Variants in PRDM1 observed in about 807,000 individuals in gnomAD.
The protein encoded by PRDM1 is PR/SET domain 1.
Under a neutral mutation model 62.8 loss-of-function variants are expected in PRDM1, and 13 were observed. That is an observed-to-expected ratio of 0.21 (90% CI 0.13 to 0.33). The LOEUF (loss-of-function observed/expected upper bound fraction) is 0.33, where lower values mean the gene tolerates loss of function less well. PRDM1 is among the 10% of genes least tolerant of loss of function. PRDM1 has a pLI of 1.00. For missense variants in PRDM1, 895 were observed against 1,058.8 expected, an observed-to-expected ratio of 0.85 and a Z score of 2.15; for synonymous variants, 396 against 417.6, an observed-to-expected ratio of 0.95 and a Z score of 0.63.
At chr6:106,082,337 T>C (rs1202835247), upstream of PRDM1, among the ~76,000 whole-genome samples, 1 of 152,130 alleles carries the variant, frequency 6.6e-6, no homozygotes, top group Non-Finnish European at 1.5e-5. Context: ...ATGATAAAAA[T>C]ATAATTAGAA....
intron 1 of PRDM1, among the ~76,000 whole-genome samples, chr6:105,998,646 C>T (rs1366967620): frequency 6.6e-6 from 1 of 152,044 alleles, no homozygotes; most frequent in Non-Finnish European, 1.5e-5. Context: ...TTTCTTCAGT[C>T]AGACTTCGGG....
At chr6:106,044,720 A>G (rs2114578161), upstream of PRDM1, among the ~76,000 whole-genome samples, 1 of 152,340 alleles carries the variant, frequency 6.6e-6, no homozygotes, top group African/African-American at 2.4e-5. Flanking sequence ...TAAGCATGGT[A>G]GTTATCAAAG....
chr6:105,994,959 C>G lies in PRDM1; in HGVS notation c.-67+1320C>G, dbSNP rs113219480. 1.7e-3 allele frequency among the ~76,000 whole-genome samples: 252 copies of G among 152,324 alleles called. 3 individuals are homozygous for G. Among genetic ancestry groups the G allele is most frequent in the African/African-American group, 5.5e-3 (230 of 41,586 alleles). ...GTTTTTTGGCGGAGACAGAGGAAAGCCTCTGGTCGAGAGGATTAGAGCGCG... is the reference window on the plus strand; with the variant it reads ...GTTTTTTGGCGGAGACAGAGGAAAGGCTCTGGTCGAGAGGATTAGAGCGCG... On this transcript the variant is annotated intron_variant, in intron 1 of 6. Coordinates refer to the PRDM1 transcript ENST00000652320. The surrounding 1 kb of genome is among the most constrained non-coding windows in gnomAD (Gnocchi z 4.1).
Position 106,088,233 on chromosome 6 carries a change from G to C in PRDM1, c.75G>C (p.Arg25Ser), listed in dbSNP as rs371233477. The C allele has an allele frequency of 1.3e-5, 21 of 1,613,642 alleles. No individual in the cohort carries two copies. In the African/African-American group the frequency reaches 2.5e-4, roughly 19 times the overall value. The stretch of plus-strand genomic sequence containing the variant: ...CCAAGTGTAACTCCAGCACTGTGAG[G>C]TTTCAGGGATTGGCAGAGGGGACCA... ...AAPKCNSSTV[R>S]FQGLAEGTKG... Residue 25 changes from arginine to serine, a missense_variant, in exon 2 of 7, where the codon AGG (arginine) becomes AGC (serine). Coordinates refer to ENST00000369096, the MANE Select transcript of PRDM1 (RefSeq NM_001198.4).
intron 1 of PRDM1, among the ~76,000 whole-genome samples, chr6:106,039,798 T>C (rs1270562368): frequency 6.6e-6 from 1 of 152,236 alleles, no homozygotes; most frequent in African/African-American, 2.4e-5. Context: ...TGTCATATAA[T>C]ATTAGAAATA....
chr6:106,039,797 A>G (rs1772968493), intron 1 of PRDM1, among the ~76,000 whole-genome samples: 1 of 152,224 alleles, frequency 6.6e-6, no homozygotes, highest in African/African-American at 2.4e-5. Flanking sequence ...TTGTCATATA[A>G]TATTAGAAAT....
At chr6:106,038,172 A>G (rs1028299009) in intron 1 of PRDM1, among the ~76,000 whole-genome samples, 21 of 151,794 alleles carry the variant, frequency 1.4e-4, no homozygotes, top group African/African-American at 4.3e-4. Flanking sequence ...TTTAGTAGAC[A>G]CAGGATTTCA....
In PRDM1 at chr6:106,108,806, AAC is replaced by A. The variant is rs1774594682; in HGVS notation, c.*1322_*1323del. The A allele has an allele frequency of 4.3e-6, 1 of 233,062 alleles. No individual in the cohort carries two copies. The highest frequency in any genetic ancestry group is 1.8e-4 in the South Asian group (1 of 5,516). The allele number at this position is 233,062 out of a possible 1,614,324, so 14.4% of individuals were successfully genotyped here. ...AAAGGGCATTGCAAAGTTGTTCAAC[AAC>A]AGTTACCTCATTGAGTGTGTCCAGT... On this transcript the variant is annotated 3_prime_UTR_variant, in exon 7 of 7. Coordinates refer to ENST00000369096, the MANE Select transcript of PRDM1 (RefSeq NM_001198.4).
chr6:106,022,170 T>C (rs964207178), intron 1 of PRDM1, among the ~76,000 whole-genome samples: 1 of 152,222 alleles, frequency 6.6e-6, no homozygotes, highest in African/African-American at 2.4e-5. Flanking sequence ...GAATTCGAAA[T>C]GTGAGATTCC....
chr6:106,077,006 A>G (rs1021507606), intron 1 of PRDM1, among the ~76,000 whole-genome samples: 1 of 152,212 alleles, frequency 6.6e-6, no homozygotes, highest in Non-Finnish European at 1.5e-5. Flanking sequence ...AAAATCTATT[A>G]CATTTGTTTT....
Position 106,086,496 on chromosome 6 carries a change from C to T in PRDM1, c.-58C>T, listed in dbSNP as rs1773809465. On this transcript the variant is annotated 5_prime_UTR_variant, in exon 1 of 7. Coordinates refer to ENST00000369096, the MANE Select transcript of PRDM1 (RefSeq NM_001198.4). ...GAGGTGCGCGTCTGTGCGGCTCAGC[C>T]TGGCGGGGGACGCGGGGAGAATGTG... The T allele has an allele frequency of 6.6e-7, 1 of 1,513,234 alleles. No individual in the cohort carries two copies. Among genetic ancestry groups the T allele is most frequent in the Non-Finnish European group, 9.0e-7 (1 of 1,115,048 alleles). 93.7% of individuals were successfully genotyped at this position (1,513,234 alleles called of 1,614,324 possible).
At chr6:106,051,818 C>T (rs1193946632) in intron 1 of PRDM1, among the ~76,000 whole-genome samples, 1 of 152,040 alleles carries the variant, frequency 6.6e-6, no homozygotes, top group South Asian at 2.1e-4. Flanking sequence ...AATGGTGTTG[C>T]CTGTATATTT....
chr6:106,040,409 A>C (rs1256826700), intron 1 of PRDM1, among the ~76,000 whole-genome samples: 1 of 152,220 alleles, frequency 6.6e-6, no homozygotes, highest in Non-Finnish European at 1.5e-5. Flanking sequence ...ACCTCCGTCT[A>C]TCTGCAGGCC....
intron 1 of PRDM1, among the ~76,000 whole-genome samples, chr6:105,993,871 G>A (rs1772315296): frequency 6.6e-6 from 1 of 152,194 alleles, no homozygotes; most frequent in Non-Finnish European, 1.5e-5. Context: ...GGAGTAGAAA[G>A]GGACGTTGGA....
At chr6:106,031,094 G>A (rs1772838602) in intron 1 of PRDM1, among the ~76,000 whole-genome samples, 1 of 151,296 alleles carries the variant, frequency 6.6e-6, no homozygotes. Flanking sequence ...TGCAGGCACA[G>A]CCCAAGTGGT....
rs142113967 is a variant in PRDM1, at chr6:106,055,033, C to T, written c.-67+6319C>T. Reference sequence around the variant, plus strand: ...TTTGGAACAAAATATATTGAAATGACCCATACTGCTATTGGACCTGTGATC... The same window carrying T: ...TTTGGAACAAAATATATTGAAATGATCCATACTGCTATTGGACCTGTGATC... On this transcript the variant is annotated intron_variant, in intron 1 of 6. Coordinates refer to the PRDM1 transcript ENST00000651185. 4.3e-3 allele frequency among the ~76,000 whole-genome samples: 648 copies of T among 152,258 alleles called. 5 individuals carry two copies. The highest frequency in any genetic ancestry group is 0.015 in the African/African-American group (609 of 41,538).
chr6:106,109,083 T>C lies in PRDM1; in HGVS notation c.*1597T>C, dbSNP rs1774604911. On this transcript the variant is annotated 3_prime_UTR_variant, in exon 7 of 7. Coordinates refer to ENST00000369096, the MANE Select transcript of PRDM1 (RefSeq NM_001198.4). The stretch of plus-strand genomic sequence containing the variant: ...CAAGCCATGTAAAAGATCTACTTTT[T>C]CTAAGGGCAAAAAAAAAAAAAAAAA... The C allele has an allele frequency of 5.3e-6, 1 of 188,862 alleles. No homozygotes were observed. The allele number at this position is 188,862 out of a possible 1,614,324, so 11.7% of individuals were successfully genotyped here.
At position 106,106,224 on chromosome 6, in the gene PRDM1, A is replaced by T; in HGVS notation, c.1774-147A>T. On this transcript the variant is annotated intron_variant, in intron 5 of 6. Transcript: ENST00000369096. This position sits in a 1 kb window ranked among gnomAD's most constrained non-coding sequence, Gnocchi z 4.4. ...TTTTTGTGCTTTTAAGAAAAACACC[A>T]TTCTGAAAACATGAAGATTTCTTCT... 7.6e-6 allele frequency: 10 copies of T among 1,323,894 alleles called. 1 individual carries two copies. The South Asian group carries it at 1.5e-4, about 20-fold the overall frequency. 82.0% of individuals were successfully genotyped at this position (1,323,894 alleles called of 1,614,324 possible).
Position 106,108,024 on chromosome 6 carries a change from C to T in PRDM1, c.*538C>T, listed in dbSNP as rs1774554874. On this transcript the variant is annotated 3_prime_UTR_variant, in exon 7 of 7. Transcript: ENST00000369096. ...ATTTAGTTAAACAAATATATGACTT[C>T]AGTCAACCTCTCTCTCTAATAATGG... The T allele has an allele frequency of 4.3e-6, 1 of 232,848 alleles. No individual in the cohort carries two copies. The highest frequency in any genetic ancestry group is 2.2e-5 in the African/African-American group (1 of 45,280). 14.4% of individuals were successfully genotyped at this position (232,848 alleles called of 1,614,324 possible).
Sources: allele counts gnomAD v4.1 joint callset (sites outside exome capture counted in the v4.1 genomes callset), GRCh38; gene constraint gnomAD v4.1.1; non-coding constraint Gnocchi (gnomAD v3.1); transcripts MANE v1.5; gene names NCBI Gene and HGNC (gene_info 2026-07-23, HGNC 2026-07-21).